GRM1: variants seen among roughly 807,000 people sequenced by gnomAD.
GRM1 encodes glutamate metabotropic receptor 1.
Under a neutral mutation model 90.9 loss-of-function variants are expected in GRM1, and 33 were observed. That is an observed-to-expected ratio of 0.36 (90% confidence interval 0.28 to 0.49). The LOEUF (loss-of-function observed/expected upper bound fraction) is 0.49, where lower values mean the gene tolerates loss of function less well. GRM1 is among the 20% of genes least tolerant of loss of function. The probability of loss-of-function intolerance (pLI) is 0.99; values close to 1 mark genes in which losing one functional copy is unlikely to be tolerated. For synonymous variants in GRM1, 700 were observed against 613.2 expected, an observed-to-expected ratio of 1.14 and a Z score of -2.09; for missense variants, 1,190 against 1,534.3, an observed-to-expected ratio of 0.78 and a Z score of 3.75.
intron 1 of GRM1, among the ~76,000 whole-genome samples, chr6:146,129,907 T>C (rs1026503481): frequency 6.6e-6 from 1 of 152,120 alleles, no homozygotes; most frequent in African/African-American, 2.4e-5. Flanking sequence ...TTCAGATTTT[T>C]TATTTTGTTT....
Position 146,050,697 on chromosome 6 carries a change from C to A in GRM1, c.700+20480C>A, listed in dbSNP as rs567442767. ...AGCTGCTCATTCTCCAAAGCAGAAT[C>A]TACACACTGCCAATTAATTTTCCAT... On this transcript the variant is annotated intron_variant, in intron 1 of 7. Transcript: ENST00000282753. 5.8e-4 allele frequency among the ~76,000 whole-genome samples: 89 copies of A among 152,168 alleles called. 4 individuals are homozygous for A. The South Asian group carries it at 0.018, about 30-fold the overall frequency.
At chr6:146,146,531 A>T (rs928395533) in intron 1 of GRM1, among the ~76,000 whole-genome samples, 1 of 152,188 alleles carries the variant, frequency 6.6e-6, no homozygotes, top group Non-Finnish European at 1.5e-5. Flanking sequence ...TGTGAAGGAC[A>T]TGAGTTTTGG....
intron 7 of GRM1, among the ~76,000 whole-genome samples, chr6:146,400,326 T>G (rs1314100395): frequency 1.3e-5 from 2 of 152,184 alleles, no homozygotes; most frequent in Non-Finnish European, 2.9e-5. Flanking sequence ...TGTTCCACGA[T>G]GTTATACATG....
At chr6:146,107,838 C>G (rs1284162617) in intron 1 of GRM1, among the ~76,000 whole-genome samples, 1 of 152,054 alleles carries the variant, frequency 6.6e-6, no homozygotes, top group Admixed American at 6.5e-5. Flanking sequence ...CTTTTTCCCT[C>G]CTTATAGTTC....
chr6:146,292,189 TAA>T (rs1783011567), intron 2 of GRM1, among the ~76,000 whole-genome samples: 1 of 152,014 alleles, frequency 6.6e-6, no homozygotes, highest in African/African-American at 2.4e-5. Context: ...GGTGAAACCA[TAA>T]AATTTTAAAA....
chr6:146,094,813 G>C lies in GRM1; in HGVS notation c.701-64535G>C, dbSNP rs543620714. 2.0e-5 allele frequency among the ~76,000 whole-genome samples: 3 copies of C among 152,172 alleles called. No homozygotes were observed. In the South Asian group the frequency reaches 6.2e-4, roughly 32 times the overall value. ...ACTCTCAAATCCCAGAAAATGTGCTGAGAATCATGCACTAGTTTAAAGAGG... is the reference window on the plus strand; with the variant it reads ...ACTCTCAAATCCCAGAAAATGTGCTCAGAATCATGCACTAGTTTAAAGAGG... On this transcript the variant is annotated intron_variant, in intron 1 of 7. Coordinates refer to ENST00000282753, the MANE Select transcript of GRM1 (RefSeq NM_001278064.2).
intron 1 of GRM1, among the ~76,000 whole-genome samples, chr6:146,070,589 A>C (rs1339996010): frequency 6.6e-5 from 10 of 152,184 alleles, no homozygotes; most frequent in Non-Finnish European, 1.5e-5. Flanking sequence ...TGAGGTTTAT[A>C]GAGCAGCAAA....
intron 3 of GRM1, among the ~76,000 whole-genome samples, chr6:146,346,596 G>A (rs186236981): frequency 6.6e-6 from 1 of 152,178 alleles, no homozygotes. Flanking sequence ...AATTCTCCCT[G>A]GAAGAGCATA....
At chr6:146,382,295 A>G (rs1451356368) in intron 5 of GRM1, among the ~76,000 whole-genome samples, 12 of 144,778 alleles carry the variant, frequency 8.3e-5, no homozygotes, top group Non-Finnish European at 1.7e-4. Context: ...ACTAGAACAT[A>G]TATAAGAGAT....
chr6:146,085,112 C>T (rs2144477), intron 1 of GRM1, among the ~76,000 whole-genome samples: 56,403 of 151,848 alleles, frequency 0.37, 11,178 homozygotes, highest in Middle Eastern at 0.52. Flanking sequence ...TATTTAATCT[C>T]TGGGCAGAAA....
intron 1 of GRM1, among the ~76,000 whole-genome samples, chr6:146,079,495 T>C (rs915331445): frequency 1.3e-5 from 2 of 152,178 alleles, no homozygotes; most frequent in Non-Finnish European, 2.9e-5. Context: ...TTTTAAGTTG[T>C]TGAAACTTTA....
intron 2 of GRM1, among the ~76,000 whole-genome samples, chr6:146,211,293 G>C (rs187306050): frequency 6.6e-6 from 1 of 151,012 alleles, no homozygotes; most frequent in East Asian, 1.9e-4. Context: ...TTCATACCTG[G>C]TGACTTGTGT....
At chr6:146,422,339 G>A (rs1040952544) in intron 7 of GRM1, among the ~76,000 whole-genome samples, 16 of 152,284 alleles carry the variant, frequency 1.1e-4, no homozygotes, top group African/African-American at 3.6e-4. Context: ...TAAGGAAAGT[G>A]GCTGAAGTCA....
intron 1 of GRM1, among the ~76,000 whole-genome samples, chr6:146,140,367 C>G (rs553621523): frequency 6.6e-6 from 1 of 152,006 alleles, no homozygotes; most frequent in Non-Finnish European, 1.5e-5. Flanking sequence ...CACCTGGGCT[C>G]AAGTGATTCT....
chr6:146,331,506 T>C (rs921659635), intron 3 of GRM1, among the ~76,000 whole-genome samples: 2 of 152,156 alleles, frequency 1.3e-5, no homozygotes, highest in African/African-American at 4.8e-5. Context: ...GGTGTGTGCA[T>C]GTATAGATTT....
At chr6:146,405,174 G>T (rs899428007) in intron 7 of GRM1, among the ~76,000 whole-genome samples, 1 of 152,148 alleles carries the variant, frequency 6.6e-6, no homozygotes, top group African/African-American at 2.4e-5. Context: ...CCAAAGGGAG[G>T]TATCCATAAG....
upstream of GRM1, among the ~76,000 whole-genome samples, chr6:146,028,780 C>T (rs1790595681): frequency 6.6e-6 from 1 of 152,070 alleles, no homozygotes. Context: ...TTTAAAGTCG[C>T]GCTTCCACCT....
chr6:146,355,075 G>C (rs974006543), intron 4 of GRM1, among the ~76,000 whole-genome samples: 6 of 152,176 alleles, frequency 3.9e-5, no homozygotes, highest in African/African-American at 1.4e-4. Context: ...AAAGGAAAAA[G>C]ACATTCTAGA....
At chr6:146,118,385 C>T (rs967068977) in intron 1 of GRM1, among the ~76,000 whole-genome samples, 49 of 152,056 alleles carry the variant, frequency 3.2e-4, no homozygotes, top group African/African-American at 1.1e-3. Context: ...GTGATCCACC[C>T]GCCTCGGCCT....
Sources: allele counts gnomAD v4.1 joint callset (sites outside exome capture counted in the v4.1 genomes callset), GRCh38; gene constraint gnomAD v4.1.1; transcripts MANE v1.5; gene names NCBI Gene and HGNC (gene_info 2026-07-23, HGNC 2026-07-21).